Variants in CPD observed in about 807,000 individuals in gnomAD.
The protein encoded by CPD is carboxypeptidase D.
In CPD, 69 loss-of-function variants were observed where a neutral mutation model predicts 138.3. The observed-to-expected ratio is 0.50, with a 90% CI of 0.41 to 0.61. The LOEUF is 0.61. CPD is among the 20% of genes least tolerant of loss of function. The pLI is 0.00. For synonymous variants in CPD, 651 were observed against 642.1 expected, an observed-to-expected ratio of 1.01 and a Z score of -0.21; for missense variants, 1,432 against 1,733.3, an observed-to-expected ratio of 0.83 and a Z score of 3.09.
chr17:30,403,860 A>G (rs1242668175), intron 2 of CPD, among the ~76,000 whole-genome samples: 1 of 152,154 alleles, frequency 6.6e-6, no homozygotes, highest in Non-Finnish European at 1.5e-5. Context: ...AACAAGAAAC[A>G]ACTGAAATAA....
chr17:30,451,789 A>G lies in CPD; in HGVS notation c.3148A>G (p.Thr1050Ala). 1 of 1,614,138 alleles carries G rather than the reference A, an allele frequency of 6.2e-7. No homozygotes were observed. Among genetic ancestry groups the G allele is most frequent in the Non-Finnish European group, 8.5e-7 (1 of 1,179,982 alleles). The change falls in exon 14 of 21, where the codon ACT (threonine) becomes GCT (alanine). Residue 1050 changes from threonine to alanine, a missense_variant. By Grantham distance (58) the Thr-to-Ala change is moderately conservative. Coordinates refer to ENST00000225719, the MANE Select transcript of CPD (RefSeq NM_001304.5). ...AGAGAGAGCTCAAGAGAAAGACTGT[A>G]CTTCAAAAATAGGACAAACAAATGC... ...GRERAQEKDC[T>A]SKIGQTNARG...
chr17:30,459,203 A>AT (rs1207709641), intron 17 of CPD, among the ~76,000 whole-genome samples: 1 of 84,014 alleles, frequency 1.2e-5, no homozygotes. Flanking sequence ...TTTTTTATTT[A>AT]TTTTTATTTA....
chr17:30,427,346 T>C (rs771370731), intron 6 of CPD, 45 bp from the exon 7 acceptor site: 112 of 1,571,878 alleles, frequency 7.1e-5, no homozygotes, highest in Non-Finnish European at 1.2e-5. Flanking sequence ...GAATAAAATA[T>C]AAGTGAACAT....
chr17:30,404,490 C>G (rs1911756635), intron 2 of CPD, among the ~76,000 whole-genome samples: 1 of 151,990 alleles, frequency 6.6e-6, no homozygotes, highest in South Asian at 2.1e-4. Context: ...CATTTTATAT[C>G]ATAATTTACT....
chr17:30,454,948 CAACACG>C (rs1416653060), intron 14 of CPD: 1 of 160,646 alleles, frequency 6.2e-6, no homozygotes, highest in African/African-American at 2.4e-5. Flanking sequence ...GTACCTCCCA[CAACACG>C]TGGGAATTCT....
chr17:30,436,822 T>C (rs1163123018), intron 8 of CPD, among the ~76,000 whole-genome samples: 1 of 152,196 alleles, frequency 6.6e-6, no homozygotes, highest in African/African-American at 2.4e-5. Context: ...ACATGAATAT[T>C]TGTAGCAGCA....
intron 2 of CPD, among the ~76,000 whole-genome samples, chr17:30,416,566 C>T (rs1291410892): frequency 3.3e-5 from 5 of 152,212 alleles, no homozygotes; most frequent in African/African-American, 4.8e-5. Context: ...CAGAATCCCT[C>T]GACCTCAACT....
rs767633615 is a variant in CPD at position 30,456,489 on chromosome 17, G to A, written c.3461G>A (p.Arg1154His). The change falls in exon 17 of 21, where the codon CGT (arginine) becomes CAT (histidine). Residue 1154 changes from arginine (R) to histidine (H), a missense_variant. By Grantham distance (29) the Arg-to-His change is conservative. Transcript: ENST00000225719. ...SDENIPGGVM[R>H]GAEWHSHLGS... ...GAGAATATTCCAGGAGGAGTAATGC[G>A]TGGAGCAGAATGGCATAGTCACCTG... is the stretch of plus-strand genomic sequence containing the variant. 4.3e-5 allele frequency: 69 copies of A among 1,614,030 alleles called. No homozygotes were observed. Among genetic ancestry groups the A allele is most frequent in the Non-Finnish European group, 5.2e-5 (61 of 1,180,018 alleles).
At chr17:30,401,301 TACTC>T (rs1911655287) in intron 2 of CPD, among the ~76,000 whole-genome samples, 2 of 151,702 alleles carry the variant, frequency 1.3e-5, no homozygotes, top group South Asian at 4.2e-4. Flanking sequence ...TTTCTCCTCT[TACTC>T]CTCTTCCTCT....
At position 30,449,735 on chromosome 17, in the gene CPD, C is replaced by A. The variant is rs77713107; in HGVS notation, c.3056C>A (p.Pro1019Gln). The change falls in exon 13 of 21, where the codon CCA becomes CAA. Residue 1019 changes from proline to glutamine, a missense_variant. Physicochemically the swap from Pro to Gln is moderately conservative, Grantham distance 76. Coordinates refer to ENST00000225719, the MANE Select transcript of CPD (RefSeq NM_001304.5). ...EFLCLNYKKNPAVTQLVDRTR... is the reference protein window; with the variant it reads ...EFLCLNYKKNQAVTQLVDRTR... ...CTCTGCCTGAACTACAAAAAGAACC[C>A]AGCTGTTACCCAAGTAAGAGAATAG... 5.8e-6 allele frequency: 9 copies of A among 1,564,390 alleles called. No homozygotes were observed. In the African/African-American group the frequency reaches 1.3e-4, roughly 22 times the overall value.
At position 30,400,420 on chromosome 17, in the gene CPD, A is replaced by T. The variant is rs114093780; in HGVS notation, c.994+15184A>T. On this transcript the variant is annotated intron_variant, in intron 2 of 20. Coordinates refer to ENST00000225719, the MANE Select transcript of CPD (RefSeq NM_001304.5). ...TGAAAACCCTACTAGACAATGTTAT[A>T]ATTTTTACTTTCAACTGTCATACAC... is the stretch of plus-strand genomic sequence containing the variant. Among the ~76,000 whole-genome samples, 377 of 152,172 alleles carry T rather than the reference A, an allele frequency of 2.5e-3. 2 individuals are homozygous for T. Among genetic ancestry groups the T allele is most frequent in the African/African-American group, 8.7e-3 (363 of 41,518 alleles).
chr17:30,433,254 G>A (rs1056389051), intron 8 of CPD, among the ~76,000 whole-genome samples: 4 of 152,128 alleles, frequency 2.6e-5, no homozygotes, highest in Admixed American at 2.6e-4. Context: ...CATACGTGGA[G>A]TAATAAGAGA....
intron 2 of CPD, among the ~76,000 whole-genome samples, chr17:30,412,216 G>A (rs974134065): frequency 6.6e-6 from 1 of 151,706 alleles, no homozygotes; most frequent in African/African-American, 2.4e-5. Flanking sequence ...TTGCAGAACA[G>A]CAAATATTGC....
intron 2 of CPD, among the ~76,000 whole-genome samples, chr17:30,385,463 CCT>C (rs1229797685): frequency 2.0e-5 from 3 of 150,168 alleles, no homozygotes; most frequent in South Asian, 4.4e-4. Context: ...CTTGCCTCTC[CCT>C]CTCTCTTTTT....
chr17:30,424,746 C>T (rs1467962825), intron 6 of CPD, among the ~76,000 whole-genome samples: 1 of 152,198 alleles, frequency 6.6e-6, no homozygotes, highest in Non-Finnish European at 1.5e-5. Flanking sequence ...TGGGATGGGA[C>T]AGCAGACCCT....
Position 30,379,454 on chromosome 17 carries a change from C to T in CPD, c.474C>T (p.Ala158=), listed in dbSNP as rs752978220. ...TCTACTTGGCCCGCGAGCTGGCGGC[C>T]GGCTACCGCCGCGGGGACCCGCGCC... is the stretch of plus-strand genomic sequence containing the variant. ...VLIYLARELA[A]GYRRGDPRLV... is the part of the protein sequence containing the mutation. The change falls in exon 1 of 21, where the codon GCC becomes GCT. Residue 158 remains alanine (A), a synonymous_variant. Transcript: ENST00000225719. The surrounding 1 kb of genome is among the most constrained non-coding windows in gnomAD (Gnocchi z 7.0). 20 of 1,570,878 alleles carry T rather than the reference C, an allele frequency of 1.3e-5. No homozygotes were observed. In the South Asian group the frequency reaches 2.1e-4, roughly 16 times the overall value.
At chr17:30,445,079 T>C (rs968306994) in intron 11 of CPD, among the ~76,000 whole-genome samples, 5 of 152,176 alleles carry the variant, frequency 3.3e-5, no homozygotes, top group Non-Finnish European at 7.3e-5. Flanking sequence ...CCCACCCGTA[T>C]ACCCTGATAG....
At position 30,395,619 on chromosome 17, in the gene CPD, G is replaced by T. The variant is rs78468674; in HGVS notation, c.994+10383G>T. On this transcript the variant is annotated intron_variant, in intron 2 of 20. Transcript: ENST00000225719. The stretch of plus-strand genomic sequence containing the variant: ...TGAAGAGAACCTAACACTCCTTTAG[G>T]ATTTGGCCCCCAGTCTTTAGATCTA... Among the ~76,000 whole-genome samples, 169 of 151,940 alleles carry T rather than the reference G, an allele frequency of 1.1e-3. 2 individuals are homozygous for T. Among genetic ancestry groups the T allele is most frequent in the African/African-American group, 3.8e-3 (156 of 41,416 alleles).
At chr17:30,389,845 A>G (rs1481264543) in intron 2 of CPD, among the ~76,000 whole-genome samples, 1 of 152,192 alleles carries the variant, frequency 6.6e-6, no homozygotes, top group Admixed American at 6.5e-5. Flanking sequence ...TGTTATTTCT[A>G]CAATAACTGG....
Sources: allele counts gnomAD v4.1 joint callset (sites outside exome capture counted in the v4.1 genomes callset), GRCh38; gene constraint gnomAD v4.1.1; non-coding constraint Gnocchi (gnomAD v3.1); transcripts MANE v1.5; gene names NCBI Gene and HGNC (gene_info 2026-07-23, HGNC 2026-07-21).